The following DLGAP2 variants were observed in gnomAD, a reference collection of about 807,000 sequenced individuals.
The protein encoded by DLGAP2 is disks large-associated protein 2.
DLGAP2 carries 26 observed loss-of-function variants against 100.3 expected under a neutral mutation model. The observed-to-expected ratio is 0.26, with a 90% confidence interval of 0.19 to 0.36. The LOEUF is 0.36. DLGAP2 is among the 10% of genes least tolerant of loss of function. DLGAP2 has a pLI of 1.00. For synonymous variants in DLGAP2, 886 were observed against 630.1 expected (o/e 1.41, Z -6.08); for missense variants, 1,858 against 1,453.2 (o/e 1.28, Z -4.53).
chr8:1,254,875 CCTCTCCTGCCCGCGTGCTGTGTCTGTGCT>C (rs1471573171), intron 2 of DLGAP2, among the ~76,000 whole-genome samples: 18 of 144,228 alleles, frequency 1.2e-4, no homozygotes, highest in African/African-American at 3.8e-4. Flanking sequence ...TCTCATCCTG[CCTCTCCTGCCCGCGTGCTGTGTCTGTGCT>C]CTCTCCTGCC....
At chr8:913,284 A>C (rs1176942271) in intron 2 of DLGAP2, among the ~76,000 whole-genome samples, 1 of 152,160 alleles carries the variant, frequency 6.6e-6, no homozygotes, top group Non-Finnish European at 1.5e-5. Context: ...AATGTTAGGA[A>C]AGGTTCTGTT....
At chr8:741,893 C>T (rs1437330381) in intron 1 of DLGAP2, among the ~76,000 whole-genome samples, 2 of 152,216 alleles carry the variant, frequency 1.3e-5, no homozygotes, top group Non-Finnish European at 2.9e-5. Context: ...GGTGTAAGGC[C>T]TGCAGTTGTG....
chr8:1,335,918 G>C (rs1801262566), intron 3 of DLGAP2, among the ~76,000 whole-genome samples: 1 of 151,702 alleles, frequency 6.6e-6, no homozygotes, highest in Admixed American at 6.6e-5. Flanking sequence ...CAGGACCCTA[G>C]AGCCGGGGCT....
intron 3 of DLGAP2, among the ~76,000 whole-genome samples, chr8:1,376,931 G>T (rs974825070): frequency 6.6e-6 from 1 of 152,230 alleles, no homozygotes; most frequent in Non-Finnish European, 1.5e-5. Context: ...TTCTGCAGAC[G>T]CAGTTCTGAA....
Position 1,352,218 on chromosome 8 carries a change from C to T in DLGAP2, c.106+93335C>T, listed in dbSNP as rs867794984. 7.7e-4 allele frequency among the ~76,000 whole-genome samples: 90 copies of T among 117,470 alleles called. 4 individuals carry two copies. The highest frequency in any genetic ancestry group is 1.2e-3 in the Non-Finnish European group (65 of 55,166). The allele number at this position is 117,470 out of a possible 152,430, so 77.1% of individuals were successfully genotyped here. A position where few individuals can be genotyped will look rare whatever the true frequency, so the allele number is the denominator to read the frequency against. On this transcript the variant is annotated intron_variant, in intron 3 of 14. Transcript: ENST00000637795. The stretch of plus-strand genomic sequence containing the variant: ...GGGTCCTGACTGTGTGTGGAAAGGC[C>T]GTGCGGGTCCTGACTGTGTTTGGAA...
At chr8:941,557 C>G (rs1799196348) in intron 2 of DLGAP2, among the ~76,000 whole-genome samples, 1 of 152,148 alleles carries the variant, frequency 6.6e-6, no homozygotes, top group Admixed American at 6.5e-5. Context: ...CTCCCTGCTC[C>G]CCTTTCTCCA....
chr8:1,510,441 G>A (rs1009813891), intron 4 of DLGAP2, among the ~76,000 whole-genome samples: 1 of 152,206 alleles, frequency 6.6e-6, no homozygotes, highest in African/African-American at 2.4e-5. Context: ...AGTTTGTGAT[G>A]CCTGGGCCAC....
chr8:1,275,994 T>G (rs1325468564), intron 3 of DLGAP2, among the ~76,000 whole-genome samples: 2 of 126,294 alleles, frequency 1.6e-5, no homozygotes, highest in East Asian at 4.3e-4. Flanking sequence ...TATAAATAAA[T>G]GTAATATATA....
chr8:1,461,241 T>C (rs1306885314), intron 3 of DLGAP2, among the ~76,000 whole-genome samples: 9 of 64,350 alleles, frequency 1.4e-4, no homozygotes, highest in Middle Eastern at 0.01. Flanking sequence ...GGGTGGCATT[T>C]GGGTTGGGAG....
chr8:1,575,723 G>C (rs1802942090), intron 6 of DLGAP2, among the ~76,000 whole-genome samples: 1 of 147,902 alleles, frequency 6.8e-6, no homozygotes, highest in African/African-American at 2.5e-5. Context: ...GTGGTGTTTG[G>C]TTTTTTGTTC....
At chr8:1,685,170 T>G (rs1213753851) in intron 12 of DLGAP2, among the ~76,000 whole-genome samples, 3 of 151,270 alleles carry the variant, frequency 2.0e-5, no homozygotes, top group Admixed American at 1.3e-4. Context: ...ACCCCGGCAG[T>G]TGGCACTCAC....
intron 2 of DLGAP2, among the ~76,000 whole-genome samples, chr8:1,105,514 G>C (rs946835477): frequency 6.6e-6 from 1 of 152,142 alleles, no homozygotes; most frequent in Non-Finnish European, 1.5e-5. Flanking sequence ...CATGCTGAGC[G>C]GGGGTCTGTG....
intron 3 of DLGAP2, among the ~76,000 whole-genome samples, chr8:1,457,655 C>T (rs1798351409): frequency 6.6e-6 from 1 of 151,994 alleles, no homozygotes; most frequent in African/African-American, 2.4e-5. Context: ...GCAATTTTTC[C>T]TCACTATGTT....
chr8:1,274,284 G>A (rs4295683), intron 3 of DLGAP2, among the ~76,000 whole-genome samples: 90,762 of 152,018 alleles, frequency 0.6, 27,167 homozygotes, highest in Middle Eastern at 0.7. Flanking sequence ...CTGGAATGAC[G>A]CACGCATGAC....
At chr8:1,455,336 C>T (rs939599143) in intron 3 of DLGAP2, among the ~76,000 whole-genome samples, 17 of 152,230 alleles carry the variant, frequency 1.1e-4, no homozygotes, top group African/African-American at 3.9e-4. Flanking sequence ...TGGGGTTTCC[C>T]GATGGTGGGG....
At chr8:1,174,826 A>T (rs1299618367) in intron 2 of DLGAP2, among the ~76,000 whole-genome samples, 2 of 152,164 alleles carry the variant, frequency 1.3e-5, no homozygotes, top group African/African-American at 4.8e-5. Context: ...CATCTAGACT[A>T]TAGCAGCTGA....
intron 2 of DLGAP2, among the ~76,000 whole-genome samples, chr8:1,149,867 A>C (rs1796668545): frequency 6.6e-6 from 1 of 152,230 alleles, no homozygotes; most frequent in Non-Finnish European, 1.5e-5. Context: ...AGGTTATTAG[A>C]AACTCAGACC....
intron 3 of DLGAP2, among the ~76,000 whole-genome samples, chr8:1,319,444 C>T (rs1800844289): frequency 6.6e-6 from 1 of 152,234 alleles, no homozygotes; most frequent in Non-Finnish European, 1.5e-5. Context: ...CAGCCATCCT[C>T]TGTCTTCCAG....
At chr8:1,633,645 T>C (rs978404218) in intron 8 of DLGAP2, among the ~76,000 whole-genome samples, 1 of 152,208 alleles carries the variant, frequency 6.6e-6, no homozygotes, top group African/African-American at 2.4e-5. Flanking sequence ...CTGCCTAATA[T>C]GTTATTATTT....
Sources: allele counts gnomAD v4.1 joint callset (sites outside exome capture counted in the v4.1 genomes callset), GRCh38; gene constraint gnomAD v4.1.1; transcripts MANE v1.5; gene names NCBI Gene and HGNC (gene_info 2026-07-23, HGNC 2026-07-21).